The following KBTBD3 variants were observed in gnomAD, a reference collection of about 807,000 sequenced individuals.
KBTBD3 encodes kelch repeat and BTB domain-containing protein 3.
KBTBD3 carries 38 observed loss-of-function variants against 49.6 expected under a neutral mutation model. The observed-to-expected ratio is 0.77, with a 90% CI of 0.59 to 1.00. The LOEUF (loss-of-function observed/expected upper bound fraction) is 1.00, where lower values mean the gene tolerates loss of function less well. KBTBD3 is among the 50% of genes least tolerant of loss of function. The pLI is 0.00. For missense variants in KBTBD3, 661 were observed against 712.0 expected (o/e 0.93, Z 0.81); for synonymous variants, 214 against 250.4 (o/e 0.85, Z 1.37).
At chr11:106,058,477 T>TGCGGTG (rs746530034) in intron 3 of KBTBD3, among the ~76,000 whole-genome samples, 15 of 151,662 alleles carry the variant, frequency 9.9e-5, no homozygotes, top group Non-Finnish European at 1.9e-4. Flanking sequence ...CAGGCTGGAG[T>TGCGGTG]GCGGTGGCGC....
intron 2 of KBTBD3, among the ~76,000 whole-genome samples, chr11:106,069,584 T>G (rs1417061944): frequency 6.7e-6 from 1 of 148,752 alleles, no homozygotes; most frequent in Non-Finnish European, 1.5e-5. Flanking sequence ...TGCTGAAAAA[T>G]ATAAAATGCT....
chr11:106,076,984 G>T (rs2135031033), intron 1 of KBTBD3, among the ~76,000 whole-genome samples: 1 of 152,276 alleles, frequency 6.6e-6, no homozygotes, highest in East Asian at 1.9e-4. Flanking sequence ...GGTCAGTGTT[G>T]CGCACTGGGG....
At chr11:106,058,030 G>A in intron 3 of KBTBD3, 2 of 398,400 alleles carry the variant, frequency 5.0e-6, no homozygotes, top group East Asian at 7.1e-5. Context: ...AGAGAACTTT[G>A]GGAAATGCTG....
chr11:106,071,316 G>A (rs534103332), intron 2 of KBTBD3, among the ~76,000 whole-genome samples: 11 of 152,144 alleles, frequency 7.2e-5, no homozygotes, highest in African/African-American at 2.4e-4. Context: ...TAGGTCCTGA[G>A]AATATCAATT....
chr11:106,066,155 C>T (rs1406407288), intron 2 of KBTBD3, among the ~76,000 whole-genome samples: 7 of 152,104 alleles, frequency 4.6e-5, no homozygotes, highest in Admixed American at 3.9e-4. Context: ...CATCATACAG[C>T]AAAATGTTTT....
Position 106,062,532 on chromosome 11 carries a change from T to C in KBTBD3, c.-12-3423A>G, listed in dbSNP as rs548186736. Reference sequence around the variant, plus strand: ...GACCCAAGAGGAGTCAGTTTTTCAATTTGAGTCCAATGGCAGGAAAAGACT... The same window carrying C: ...GACCCAAGAGGAGTCAGTTTTTCAACTTGAGTCCAATGGCAGGAAAAGACT... On this transcript the variant is annotated intron_variant, in intron 2 of 3. Transcript: ENST00000531837. Among the ~76,000 whole-genome samples the C allele has an allele frequency of 2.0e-5, 3 of 152,312 alleles. No individual in the cohort carries two copies. In the East Asian group the frequency reaches 5.8e-4, roughly 29 times the overall value.
chr11:106,054,648 G>A (rs1860516962), intron 3 of KBTBD3, among the ~76,000 whole-genome samples, 193 bp from the exon 4 acceptor site: 1 of 151,434 alleles, frequency 6.6e-6, no homozygotes, highest in Middle Eastern at 3.5e-3. Context: ...ATTACAAAAT[G>A]CCTATATTAC....
chr11:106,057,953 CCAAA>C (rs1343780930), intron 3 of KBTBD3: 6 of 397,882 alleles, frequency 1.5e-5, no homozygotes, highest in Non-Finnish European at 2.7e-5. Context: ...CAGGGATCCC[CCAAA>C]CAAAGCTGAC....
intron 2 of KBTBD3, among the ~76,000 whole-genome samples, chr11:106,060,972 A>C (rs1039951894): frequency 6.6e-6 from 1 of 152,232 alleles, no homozygotes; most frequent in African/African-American, 2.4e-5. Flanking sequence ...CCCATCAAAA[A>C]GTGGGCAAAG....
chr11:106,053,193 G>T lies in KBTBD3; in HGVS notation c.1496C>A (p.Ala499Glu), dbSNP rs781581063. Reference protein sequence around the residue: ...LVAEFGQFFHATLIKAVPVNC... With the variant: ...LVAEFGQFFHETLIKAVPVNC... The stretch of plus-strand genomic sequence containing the variant: ...TACTGGTACAGCTTTAATTAATGTT[G>T]CATGAAAAAATTGCCCAAACTCTGC... Residue 499 changes from alanine to glutamate, a missense_variant, in exon 4 of 4, where the codon GCA becomes GAA. Coordinates refer to ENST00000531837, the MANE Select transcript of KBTBD3 (RefSeq NM_198439.3). 6 of 1,613,522 alleles carry T rather than the reference G, an allele frequency of 3.7e-6. No homozygotes were observed. In the Admixed American group the frequency reaches 8.3e-5, roughly 22 times the overall value.
chr11:106,068,334 A>G lies in KBTBD3; in HGVS notation c.-13+8173T>C, dbSNP rs147612154. Among the ~76,000 whole-genome samples, 487 of 152,336 alleles carry G rather than the reference A, an allele frequency of 3.2e-3. 5 individuals carry two copies. Among genetic ancestry groups the G allele is most frequent in the Admixed American group, 0.01 (159 of 15,302 alleles). ...TGAAATCAAACTAAAAATCAATAAC[A>G]AAAAGATAACATAAACATCTCCACA... On this transcript the variant is annotated intron_variant, in intron 2 of 3. Transcript: ENST00000531837.
chr11:106,068,370 CATA>C (rs1376360921), intron 2 of KBTBD3, among the ~76,000 whole-genome samples: 1 of 152,108 alleles, frequency 6.6e-6, no homozygotes, highest in African/African-American at 2.4e-5. Context: ...CACTTGGAAA[CATA>C]ATAACACACT....
chr11:106,060,055 G>A (rs1297168386), intron 2 of KBTBD3, among the ~76,000 whole-genome samples: 1 of 152,162 alleles, frequency 6.6e-6, no homozygotes, highest in Non-Finnish European at 1.5e-5. Context: ...CCATCTGAAG[G>A]TCTGACTGGG....
chr11:106,053,514 G>T lies in KBTBD3; in HGVS notation c.1175C>A (p.Pro392Gln). Residue 392 changes from proline (P) to glutamine (Q), a missense_variant, in exon 4 of 4, where the codon CCA becomes CAA. Coordinates refer to ENST00000531837, the MANE Select transcript of KBTBD3 (RefSeq NM_198439.3). ...DFFLVSTMKT[P>Q]RTMHTSVMAL... ...CATAACTGATGTATGCATGGTTCTTGGTGTTTTCATAGTTGATACCAAGAA... is the reference window on the plus strand; with the variant it reads ...CATAACTGATGTATGCATGGTTCTTTGTGTTTTCATAGTTGATACCAAGAA... 6.2e-7 allele frequency: 1 copy of T among 1,613,668 alleles called. No individual in the cohort carries two copies. The highest frequency in any genetic ancestry group is 2.2e-5 in the East Asian group (1 of 44,868).
chr11:106,058,203 T>C (rs1269506951), intron 3 of KBTBD3, among the ~76,000 whole-genome samples: 3 of 151,800 alleles, frequency 2.0e-5, no homozygotes, highest in African/African-American at 7.3e-5. Flanking sequence ...GCTAACACGG[T>C]GAAACCCCGT....
intron 3 of KBTBD3, chr11:106,057,337 C>T (rs573615344): frequency 1.3e-5 from 2 of 152,162 alleles, no homozygotes; most frequent in East Asian, 3.9e-4. Context: ...TATCTTAAAC[C>T]TTATTTTTTA....
At chr11:106,066,742 A>C (rs1434506614) in intron 2 of KBTBD3, among the ~76,000 whole-genome samples, 1 of 151,832 alleles carries the variant, frequency 6.6e-6, no homozygotes. Context: ...TTAAAAAAAA[A>C]AAAAACAAAA....
chr11:106,058,159 C>T (rs984583079), intron 3 of KBTBD3: 38 of 347,942 alleles, frequency 1.1e-4, no homozygotes, highest in Non-Finnish European at 1.7e-4. Context: ...CCGAAGTGGG[C>T]GGATCACGAG....
chr11:106,066,860 T>C (rs1384169144), intron 2 of KBTBD3, among the ~76,000 whole-genome samples: 1 of 151,524 alleles, frequency 6.6e-6, no homozygotes, highest in African/African-American at 2.4e-5. Context: ...CCTGGAGGTA[T>C]ATATAAATAT....
Sources: gnomAD v4.1 joint callset for allele counts (sites outside exome capture counted in the v4.1 genomes callset) on GRCh38, gnomAD v4.1.1 for gene constraint, MANE v1.5 for transcripts, NCBI Gene and HGNC (gene_info 2026-07-23, HGNC 2026-07-21) for gene names.